CORO2A: variants seen among roughly 807,000 people sequenced by gnomAD.
The protein encoded by CORO2A is coronin-2A.
Under a neutral mutation model 62.4 loss-of-function variants are expected in CORO2A, and 47 were observed. The observed-to-expected ratio is 0.75, with a 90% CI of 0.60 to 0.96. The LOEUF (loss-of-function observed/expected upper bound fraction) is 0.96. CORO2A is among the 40% of genes least tolerant of loss of function. The probability of loss-of-function intolerance (pLI) is 0.00; values close to 1 mark genes in which losing one functional copy is unlikely to be tolerated. For synonymous variants in CORO2A, 273 were observed against 268.9 expected (o/e 1.02, Z -0.15); for missense variants, 610 against 684.1 (o/e 0.89, Z 1.21).
At chr9:98,151,499 T>C (rs1387151597) in intron 2 of CORO2A, among the ~76,000 whole-genome samples, 1 of 152,218 alleles carries the variant, frequency 6.6e-6, no homozygotes, top group Non-Finnish European at 1.5e-5. Context: ...ACAAATGCAA[T>C]TCATTTTTGT....
chr9:98,163,768 G>GAGAA (rs60119235), intron 1 of CORO2A, among the ~76,000 whole-genome samples: 19,804 of 146,446 alleles, frequency 0.14, 1,416 homozygotes, highest in East Asian at 0.28. Flanking sequence ...GAGAGAGAGA[G>GAGAA]AGAGAGAAAG....
intron 1 of CORO2A, among the ~76,000 whole-genome samples, chr9:98,162,517 T>C (rs886385634): frequency 1.3e-5 from 2 of 152,210 alleles, no homozygotes; most frequent in Non-Finnish European, 2.9e-5. Context: ...CCTGCTGTCA[T>C]GAAGGGAAAC....
At chr9:98,154,467 C>A (rs1403519415) in intron 2 of CORO2A, among the ~76,000 whole-genome samples, 1 of 151,162 alleles carries the variant, frequency 6.6e-6, no homozygotes, top group Non-Finnish European at 1.5e-5. Flanking sequence ...AAATAAATTA[C>A]CCATAATTGC....
chr9:98,175,828 C>A (rs1983815), intron 1 of CORO2A, among the ~76,000 whole-genome samples: 22,831 of 152,118 alleles, frequency 0.15, 3,422 homozygotes, highest in African/African-American at 0.39. Context: ...GGATGATAAC[C>A]ATAAATGAGT....
At chr9:98,190,990 A>T (rs1828299284) in intron 1 of CORO2A, among the ~76,000 whole-genome samples, 1 of 152,070 alleles carries the variant, frequency 6.6e-6, no homozygotes, top group South Asian at 2.1e-4. Flanking sequence ...AAGGTAGCTC[A>T]CCCCCAGGTT....
chr9:98,132,155 T>C, intron 6 of CORO2A, 30 bp downstream of exon 6: 1 of 1,495,988 alleles, frequency 6.7e-7, no homozygotes, highest in African/African-American at 1.4e-5. Context: ...AGCTGAGGGG[T>C]GATGGTGAGG....
intron 1 of CORO2A, among the ~76,000 whole-genome samples, chr9:98,158,098 A>G (rs1827832116): frequency 6.6e-6 from 1 of 152,188 alleles, no homozygotes; most frequent in South Asian, 2.1e-4. Context: ...CTGGATGGCA[A>G]GTGACTTAAC....
chr9:98,175,537 C>A (rs1316162060), intron 1 of CORO2A, among the ~76,000 whole-genome samples: 1 of 152,250 alleles, frequency 6.6e-6, no homozygotes, highest in Non-Finnish European at 1.5e-5. Flanking sequence ...GTGAAAGCCC[C>A]TCTCTGGGCT....
At chr9:98,187,969 G>A (rs1828259732) in intron 1 of CORO2A, among the ~76,000 whole-genome samples, 1 of 152,176 alleles carries the variant, frequency 6.6e-6, no homozygotes, top group Non-Finnish European at 1.5e-5. Flanking sequence ...GGAAAAGCGG[G>A]ATAAAAAGAG....
In CORO2A at chr9:98,128,719, C is replaced by A. The variant is rs762181812; in HGVS notation, c.968G>T (p.Gly323Val). The A allele has an allele frequency of 1.2e-6, 2 of 1,613,716 alleles. No homozygotes were observed. Among genetic ancestry groups the A allele is most frequent in the Non-Finnish European group, 1.7e-6 (2 of 1,179,734 alleles). Residue 323 changes from glycine (G) to valine (V), a missense_variant and splice_region_variant, in exon 9 of 12, where the codon GGT becomes GTT. Gly to Val is a moderately radical substitution (Grantham distance 109). Transcript: ENST00000375077. ...GTCGAGTCCTCTCTTTGGCATGACA[C>A]CTGAAGGCAGACAGGGAGGGCCAAG... ...YRSYNPQKGI[G>V]VMPKRGLDVS...
intron 2 of CORO2A, among the ~76,000 whole-genome samples, chr9:98,153,906 T>C (rs1479408657): frequency 1.3e-5 from 2 of 152,176 alleles, no homozygotes; most frequent in Non-Finnish European, 2.9e-5. Context: ...GTTTTTCTCA[T>C]GGCTGGGTAT....
chr9:98,142,856 G>A (rs372057573), intron 2 of CORO2A, among the ~76,000 whole-genome samples: 3 of 63,338 alleles, frequency 4.7e-5, no homozygotes, highest in African/African-American at 7.0e-5. Flanking sequence ...CCTGCCCTGC[G>A]CTGCCCTGCG....
chr9:98,150,802 G>A (rs1827713445), intron 2 of CORO2A, among the ~76,000 whole-genome samples: 2 of 152,122 alleles, frequency 1.3e-5, no homozygotes, highest in Non-Finnish European at 2.9e-5. Context: ...CCATCTATAG[G>A]GGGTCCTTCC....
In CORO2A at chr9:98,190,265, G is replaced by C. The variant is rs1033437297; in HGVS notation, c.-1+2294C>G. On this transcript the variant is annotated intron_variant, in intron 1 of 11. Coordinates refer to ENST00000375077, the MANE Select transcript of CORO2A (RefSeq NM_052820.4). Reference sequence around the variant, plus strand: ...TCCTTAGGATAAAGTCCCCAAAGTAGCCGGCTAAGGGCAAAGGGCAAATAT... The same window carrying C: ...TCCTTAGGATAAAGTCCCCAAAGTACCCGGCTAAGGGCAAAGGGCAAATAT... Among the ~76,000 whole-genome samples, 5 of 152,276 alleles carry C rather than the reference G, an allele frequency of 3.3e-5. No homozygotes were observed. In the South Asian group the frequency reaches 8.3e-4, roughly 25 times the overall value.
At chr9:98,137,759 CAGTT>C in intron 2 of CORO2A, 71 bp from the exon 3 acceptor site, 1 of 1,100,618 alleles carries the variant, frequency 9.1e-7, no homozygotes, top group Non-Finnish European at 1.4e-6. Flanking sequence ...GTCACATAGT[CAGTT>C]AGCAACCAGT....
intron 1 of CORO2A, among the ~76,000 whole-genome samples, chr9:98,158,983 A>G (rs1449176764): frequency 1.3e-5 from 2 of 152,102 alleles, no homozygotes; most frequent in Admixed American, 6.6e-5. Flanking sequence ...CCATAATACC[A>G]GGGGGCCTCC....
chr9:98,168,431 C>G (rs149067377), intron 1 of CORO2A, among the ~76,000 whole-genome samples: 8 of 152,338 alleles, frequency 5.3e-5, no homozygotes, highest in African/African-American at 1.9e-4. Context: ...CATACCAACT[C>G]AACCCTCATG....
At chr9:98,158,262 A>G (rs1827833917) in intron 1 of CORO2A, among the ~76,000 whole-genome samples, 2 of 150,828 alleles carry the variant, frequency 1.3e-5, no homozygotes, top group Admixed American at 1.3e-4. Context: ...CCTGGGCAAC[A>G]CAGTGAGACC....
At chr9:98,160,586 C>T (rs1827870641) in intron 1 of CORO2A, among the ~76,000 whole-genome samples, 1 of 152,186 alleles carries the variant, frequency 6.6e-6, no homozygotes. Context: ...CAAATGACCT[C>T]CCTAGGGTCT....
Sources: allele counts gnomAD v4.1 joint callset (sites outside exome capture counted in the v4.1 genomes callset), GRCh38; gene constraint gnomAD v4.1.1; transcripts MANE v1.5; gene names NCBI Gene and HGNC (gene_info 2026-07-23, HGNC 2026-07-21).